PLPP1: variants seen among roughly 807,000 people sequenced by gnomAD.
PLPP1 encodes lipid phosphate phosphohydrolase 1a.
Under a neutral mutation model 31.2 loss-of-function variants are expected in PLPP1, and 24 were observed. The ratio of observed to expected loss-of-function variants is 0.77; its 90% confidence interval spans 0.56 to 1.08. PLPP1 has a LOEUF of 1.08. PLPP1 is among the 50% of genes least tolerant of loss of function. PLPP1 has a pLI of 0.00. For missense variants in PLPP1, 319 were observed against 342.7 expected (o/e 0.93, Z 0.55); for synonymous variants, 146 against 126.3 (o/e 1.16, Z -1.05).
In PLPP1 at chr5:55,475,374, G is replaced by A. The variant is rs754430528; in HGVS notation, c.135C>T (p.Ile45=). ...QRGVFCNDES[I]KYPYKEDTIP... Reference sequence around the variant, plus strand: ...TGGTGTCTTCTTTGTAAGGGTACTTGATGGACTCATCATTACAGAATACTC... The same window carrying A: ...TGGTGTCTTCTTTGTAAGGGTACTTAATGGACTCATCATTACAGAATACTC... The change falls in exon 2 of 6, where the codon ATC becomes ATT. Residue 45 remains isoleucine, a synonymous_variant. Coordinates refer to ENST00000307259, the MANE Select transcript of PLPP1 (RefSeq NM_003711.4). The A allele has an allele frequency of 6.2e-7, 1 of 1,612,176 alleles. No homozygotes were observed. The highest frequency in any genetic ancestry group is 1.1e-5 in the South Asian group (1 of 90,978).
At position 55,504,360 on chromosome 5, in the gene PLPP1, C is replaced by G. The variant is rs981135543; in HGVS notation, c.59-28910G>C. ...AGCCTGGGCGACAGAGACTCTGTAT[C>G]AAAAAAAAAAAAAAAGCCAGGGATG... On this transcript the variant is annotated intron_variant, in intron 1 of 5. Coordinates refer to ENST00000307259, the MANE Select transcript of PLPP1 (RefSeq NM_003711.4). Among the ~76,000 whole-genome samples the G allele has an allele frequency of 4.0e-3, 519 of 130,456 alleles. 3 individuals are homozygous for G. Among genetic ancestry groups the G allele is most frequent in the African/African-American group, 0.014 (494 of 34,846 alleles). 85.6% of individuals were successfully genotyped at this position (130,456 alleles called of 152,430 possible).
chr5:55,531,481 T>C (rs1165621832), intron 1 of PLPP1, among the ~76,000 whole-genome samples: 2 of 152,234 alleles, frequency 1.3e-5, no homozygotes, highest in African/African-American at 4.8e-5. Flanking sequence ...TGTATGATGT[T>C]GAGGTGGTCA....
intron 1 of PLPP1, among the ~76,000 whole-genome samples, chr5:55,493,240 A>G (rs562593825): frequency 1.3e-5 from 2 of 151,982 alleles, no homozygotes; most frequent in African/African-American, 4.8e-5. Flanking sequence ...CCTTGAGCCC[A>G]AGAGGTAAAG....
intron 4 of PLPP1, among the ~76,000 whole-genome samples, chr5:55,433,788 T>G (rs914786039): frequency 6.6e-6 from 1 of 151,060 alleles, no homozygotes; most frequent in Middle Eastern, 3.4e-3. Context: ...TGAGGCACCA[T>G]GCCCCCAAAT....
At chr5:55,446,949 G>A (rs1751780056) in intron 3 of PLPP1, among the ~76,000 whole-genome samples, 1 of 152,154 alleles carries the variant, frequency 6.6e-6, no homozygotes, top group Non-Finnish European at 1.5e-5. Flanking sequence ...GGAACCGGCA[G>A]ATACTTTCAA....
intron 1 of PLPP1, among the ~76,000 whole-genome samples, chr5:55,515,946 C>G (rs1386023062): frequency 6.6e-6 from 1 of 152,170 alleles, no homozygotes; most frequent in Non-Finnish European, 1.5e-5. Context: ...GGTACTTCCA[C>G]TTAAATATTT....
At chr5:55,443,754 C>T (rs1751688077) in intron 3 of PLPP1, among the ~76,000 whole-genome samples, 1 of 152,110 alleles carries the variant, frequency 6.6e-6, no homozygotes. Flanking sequence ...ATATTTTATT[C>T]AGTATAGAAT....
chr5:55,490,102 T>C (rs377537902), intron 1 of PLPP1, among the ~76,000 whole-genome samples: 105 of 152,104 alleles, frequency 6.9e-4, no homozygotes, highest in African/African-American at 2.5e-3. Flanking sequence ...TGATGAACTA[T>C]CTGAAGGACA....
intron 1 of PLPP1, among the ~76,000 whole-genome samples, chr5:55,508,587 CT>C (rs766541302): frequency 1.2e-4 from 19 of 152,136 alleles, no homozygotes; most frequent in Admixed American, 2.0e-4. Context: ...GGACAAGTAA[CT>C]TAATTAAAAT....
rs143090547 is a variant in PLPP1 at position 55,457,656 on chromosome 5, C to T, written c.491+10213G>A. 8.1e-3 allele frequency among the ~76,000 whole-genome samples: 1,234 copies of T among 152,120 alleles called. 13 individuals carry two copies. The highest frequency in any genetic ancestry group is 0.061 in the East Asian group (315 of 5,162). The stretch of plus-strand genomic sequence containing the variant: ...CTGTAATCCCAGCACTCTGGGAGGC[C>T]AAGGTGGGCAGATCACAAGGTCAGC... On this transcript the variant is annotated intron_variant, in intron 3 of 5. Coordinates refer to ENST00000307259, the MANE Select transcript of PLPP1 (RefSeq NM_003711.4).
intron 1 of PLPP1, among the ~76,000 whole-genome samples, chr5:55,529,896 A>G (rs933049345): frequency 6.6e-6 from 1 of 152,328 alleles, no homozygotes; most frequent in Admixed American, 6.5e-5. Context: ...AAAAAGATAA[A>G]GTACAACAGG....
At chr5:55,518,581 C>T (rs974737205) in intron 1 of PLPP1, among the ~76,000 whole-genome samples, 1 of 152,144 alleles carries the variant, frequency 6.6e-6, no homozygotes, top group Non-Finnish European at 1.5e-5. Flanking sequence ...GATCATTTTC[C>T]TATATTACTA....
intron 4 of PLPP1, 82 bp downstream of exon 4, chr5:55,441,769 A>G (rs1751625861): frequency 7.2e-7 from 1 of 1,397,138 alleles, no homozygotes; most frequent in Admixed American, 1.8e-5. Context: ...CTAATTTATT[A>G]GGACAGGTGA....
At chr5:55,434,344 G>A (rs1422281147) in intron 4 of PLPP1, among the ~76,000 whole-genome samples, 2 of 151,826 alleles carry the variant, frequency 1.3e-5, no homozygotes, top group African/African-American at 4.8e-5. Context: ...TGGTTAAAAT[G>A]ACCAGACTAC....
intron 4 of PLPP1, among the ~76,000 whole-genome samples, chr5:55,427,099 A>AAG (rs1751220473): frequency 6.6e-5 from 10 of 151,440 alleles, no homozygotes; most frequent in Non-Finnish European, 1.2e-4. Flanking sequence ...AAAAAAAAAA[A>AAG]AAAAAGAAAA....
intron 1 of PLPP1, among the ~76,000 whole-genome samples, chr5:55,504,326 C>A (rs115671197): frequency 0.011 from 1,666 of 147,388 alleles, 20 homozygotes; most frequent in Non-Finnish European, 0.02. Context: ...CAGTGTCCTA[C>A]TGCACTCCAG....
At chr5:55,512,853 A>T (rs1196922988) in intron 1 of PLPP1, among the ~76,000 whole-genome samples, 1 of 152,254 alleles carries the variant, frequency 6.6e-6, no homozygotes, top group Non-Finnish European at 1.5e-5. Context: ...CCAAATATTA[A>T]CAACACTGTA....
chr5:55,455,315 G>C (rs903163073), intron 3 of PLPP1, among the ~76,000 whole-genome samples: 1 of 152,172 alleles, frequency 6.6e-6, no homozygotes, highest in African/African-American at 2.4e-5. Context: ...GGCCGGGCAC[G>C]GCACAGTGGC....
chr5:55,497,419 C>T (rs1496452), intron 1 of PLPP1, among the ~76,000 whole-genome samples: 123,516 of 145,934 alleles, frequency 0.85, 52,268 homozygotes, highest in South Asian at 0.91. Flanking sequence ...CTAATTTTTT[C>T]TTTTTTTTTT....
Sources: allele counts gnomAD v4.1 joint callset (sites outside exome capture counted in the v4.1 genomes callset), GRCh38; gene constraint gnomAD v4.1.1; transcripts MANE v1.5; gene names NCBI Gene and HGNC (gene_info 2026-07-23, HGNC 2026-07-21).